The following KCNK2 variants were observed in gnomAD, a reference collection of about 807,000 sequenced individuals.
The protein encoded by KCNK2 is potassium two pore domain channel subfamily K member 2, also known as potassium channel subfamily K member 2.
KCNK2 carries 21 observed loss-of-function variants against 40.5 expected under a neutral mutation model. The observed-to-expected ratio is 0.52, with a 90% CI of 0.37 to 0.75. The LOEUF (loss-of-function observed/expected upper bound fraction) is 0.75, where lower values mean the gene tolerates loss of function less well. KCNK2 is among the 30% of genes least tolerant of loss of function. The probability of loss-of-function intolerance (pLI) is 0.00; values close to 1 mark genes in which losing one functional copy is unlikely to be tolerated. For synonymous variants in KCNK2, 191 were observed against 202.2 expected, an observed-to-expected ratio of 0.94 and a Z score of 0.47; for missense variants, 399 against 531.6, an observed-to-expected ratio of 0.75 and a Z score of 2.45.
At chr1:215,017,288 T>A (rs1040853207) in intron 1 of KCNK2, among the ~76,000 whole-genome samples, 1 of 152,122 alleles carries the variant, frequency 6.6e-6, no homozygotes, top group African/African-American at 2.4e-5. Flanking sequence ...ATAGCTGCAT[T>A]CCCATGTTTA....
At chr1:215,143,982 A>C (rs185355416) in intron 3 of KCNK2, among the ~76,000 whole-genome samples, 1 of 152,266 alleles carries the variant, frequency 6.6e-6, no homozygotes, top group East Asian at 1.9e-4. Flanking sequence ...AAAACACTGG[A>C]CTATATCTCT....
rs78487797 is a variant in KCNK2, at chr1:215,210,649, T to C, written c.963+15557T>C. Among the ~76,000 whole-genome samples the C allele has an allele frequency of 5.3e-5, 8 of 152,050 alleles. No individual in the cohort carries two copies. The South Asian group carries it at 1.2e-3, about 24-fold the overall frequency. ...TTGGGAATACAGTTTTATATATATA[T>C]AGAGAGAGAGTAGCATTCTCCCTCA... On this transcript the variant is annotated intron_variant, in intron 6 of 6. Transcript: ENST00000444842.
intron 1 of KCNK2, among the ~76,000 whole-genome samples, chr1:215,007,039 G>GTGTGTGTGTATATATA (rs1558053941): frequency 4.3e-5 from 3 of 69,694 alleles, no homozygotes; most frequent in Non-Finnish European, 8.7e-5. Flanking sequence ...ATATATATAT[G>GTGTGTGTGTATATATA]TGTGTGTGTG....
intron 1 of KCNK2, among the ~76,000 whole-genome samples, chr1:215,084,422 T>G (rs937879717): frequency 6.6e-6 from 1 of 152,210 alleles, no homozygotes. Flanking sequence ...GAAATCTTCA[T>G]TTAGAGAGAT....
intron 3 of KCNK2, among the ~76,000 whole-genome samples, chr1:215,149,385 C>T (rs549342044): frequency 2.6e-5 from 4 of 152,212 alleles, no homozygotes; most frequent in African/African-American, 9.6e-5. Flanking sequence ...TTAAGGTATT[C>T]CCCAGAGCAC....
chr1:215,020,399 A>G (rs867482830), intron 1 of KCNK2, among the ~76,000 whole-genome samples: 1 of 152,272 alleles, frequency 6.6e-6, no homozygotes, highest in Middle Eastern at 3.4e-3. Flanking sequence ...GGAATCCCCA[A>G]AATACGTTGA....
chr1:215,067,702 A>G (rs1558075818), intron 1 of KCNK2, among the ~76,000 whole-genome samples: 1 of 152,078 alleles, frequency 6.6e-6, no homozygotes, highest in East Asian at 1.9e-4. Flanking sequence ...CGTCTCTACT[A>G]AAAAAATATA....
intron 6 of KCNK2, among the ~76,000 whole-genome samples, chr1:215,218,935 T>C (rs1468008950): frequency 3.3e-5 from 5 of 152,250 alleles, no homozygotes; most frequent in Non-Finnish European, 7.3e-5. Context: ...ATCATACTTA[T>C]TGATCATACA....
Position 215,187,628 on chromosome 1 carries a change from C to A in KCNK2, c.824-7325C>A, listed in dbSNP as rs147892592. 1.6e-3 allele frequency among the ~76,000 whole-genome samples: 244 copies of A among 151,924 alleles called. 1 individual carries two copies. The highest frequency in any genetic ancestry group is 5.4e-3 in the African/African-American group (225 of 41,438). On this transcript the variant is annotated intron_variant, in intron 5 of 6. Transcript: ENST00000444842. ...CCCAACCTAACACAATTTAAAATTTCTTTTCAAGGCTGGTAGCTCCTTTAA... is the reference window on the plus strand; with the variant it reads ...CCCAACCTAACACAATTTAAAATTTATTTTCAAGGCTGGTAGCTCCTTTAA...
At chr1:215,021,717 T>C (rs1410081735) in intron 1 of KCNK2, among the ~76,000 whole-genome samples, 1 of 151,810 alleles carries the variant, frequency 6.6e-6, no homozygotes, top group African/African-American at 2.4e-5. Context: ...GGCTAATTCT[T>C]TTTTGTATTT....
At chr1:215,111,197 G>A (rs1244900931) in intron 2 of KCNK2, among the ~76,000 whole-genome samples, 1 of 152,020 alleles carries the variant, frequency 6.6e-6, no homozygotes, top group Non-Finnish European at 1.5e-5. Flanking sequence ...CTTCTTTTCT[G>A]ATTTGGATGT....
At chr1:215,079,301 A>G (rs1423917849), upstream of KCNK2, among the ~76,000 whole-genome samples, 1 of 152,182 alleles carries the variant, frequency 6.6e-6, no homozygotes, top group African/African-American at 2.4e-5. Flanking sequence ...TTTACGAAGA[A>G]AAGAGGTTGG....
intron 3 of KCNK2, among the ~76,000 whole-genome samples, chr1:215,140,357 C>T (rs527373759): frequency 9.2e-5 from 14 of 152,218 alleles, no homozygotes; most frequent in African/African-American, 3.4e-4. Context: ...TGTGATGTGC[C>T]ATATACAGTC....
intron 3 of KCNK2, among the ~76,000 whole-genome samples, chr1:215,153,690 C>T (rs1009079651): frequency 7.9e-5 from 12 of 151,618 alleles, no homozygotes; most frequent in African/African-American, 1.5e-4. Context: ...CATAGGTATA[C>T]GTGTGCCATG....
intron 1 of KCNK2, among the ~76,000 whole-genome samples, chr1:215,010,206 G>T (rs1558055269): frequency 6.6e-6 from 1 of 152,164 alleles, no homozygotes; most frequent in Admixed American, 6.5e-5. Context: ...GAAGCAGCAG[G>T]TCCAGATATT....
chr1:215,231,749 C>G (rs1054268283), intron 6 of KCNK2, among the ~76,000 whole-genome samples: 6 of 152,118 alleles, frequency 3.9e-5, no homozygotes, highest in Non-Finnish European at 7.3e-5. Flanking sequence ...ACCTGAGACT[C>G]AGTAATTTAT....
chr1:215,090,421 A>G (rs1659643653), intron 2 of KCNK2, among the ~76,000 whole-genome samples: 1 of 152,184 alleles, frequency 6.6e-6, no homozygotes, highest in African/African-American at 2.4e-5. Flanking sequence ...TAAATATTTG[A>G]TGTAAAGTTT....
chr1:215,090,427 AG>A (rs1255059315), intron 2 of KCNK2, among the ~76,000 whole-genome samples: 1 of 152,214 alleles, frequency 6.6e-6, no homozygotes, highest in African/African-American at 2.4e-5. Context: ...TTTGATGTAA[AG>A]TTTCCTGTTA....
At chr1:215,132,192 A>G (rs945727866) in intron 3 of KCNK2, among the ~76,000 whole-genome samples, 3 of 152,210 alleles carry the variant, frequency 2.0e-5, no homozygotes, top group Admixed American at 6.5e-5. Flanking sequence ...GGACAAAACT[A>G]TAACTTGAAA....
Sources: gnomAD v4.1 joint callset for allele counts (sites outside exome capture counted in the v4.1 genomes callset) on GRCh38, gnomAD v4.1.1 for gene constraint, MANE v1.5 for transcripts, NCBI Gene and HGNC (gene_info 2026-07-23, HGNC 2026-07-21) for gene names.